PPP6R3: variants seen among roughly 807,000 people sequenced by gnomAD.
The protein encoded by PPP6R3 is protein phosphatase 6 regulatory subunit 3.
In PPP6R3, 38 loss-of-function variants were observed where a neutral mutation model predicts 110.7. The observed-to-expected ratio is 0.34, with a 90% CI of 0.26 to 0.45. PPP6R3 has a LOEUF of 0.45. Among genes scored for constraint, PPP6R3 ranks in the 20% least tolerant of loss-of-function variants. The probability of loss-of-function intolerance (pLI) is 1.00; values close to 1 mark genes in which losing one functional copy is unlikely to be tolerated. For synonymous variants in PPP6R3, 369 were observed against 373.5 expected (o/e 0.99, Z 0.14); for missense variants, 870 against 1,062.4 (o/e 0.82, Z 2.52).
intron 8 of PPP6R3, among the ~76,000 whole-genome samples, chr11:68,560,783 A>G (rs370311656): frequency 6.6e-6 from 1 of 152,016 alleles, no homozygotes; most frequent in South Asian, 2.1e-4. Context: ...TAGGACTCCC[A>G]TGCATACCAA....
intron 2 of PPP6R3, among the ~76,000 whole-genome samples, chr11:68,533,923 G>A (rs2099255496): frequency 6.6e-6 from 1 of 152,150 alleles, no homozygotes; most frequent in Non-Finnish European, 1.5e-5. Flanking sequence ...CACTGGAACA[G>A]CATGGGCAGG....
chr11:68,500,693 G>C (rs1284931536), intron 1 of PPP6R3, among the ~76,000 whole-genome samples: 1 of 152,156 alleles, frequency 6.6e-6, no homozygotes, highest in Non-Finnish European at 1.5e-5. Flanking sequence ...GGCCAGGCTG[G>C]TCTTGAACTC....
At chr11:68,564,552 G>C (rs1042257720) in intron 9 of PPP6R3, 120 bp downstream of exon 9, 5 of 1,114,106 alleles carry the variant, frequency 4.5e-6, no homozygotes, top group Non-Finnish European at 3.7e-6. Context: ...CAAAATGAGT[G>C]AAAAGATAAC....
chr11:68,474,423 C>T (rs1426763278), intron 1 of PPP6R3, among the ~76,000 whole-genome samples: 1 of 151,718 alleles, frequency 6.6e-6, no homozygotes, highest in Non-Finnish European at 1.5e-5. Context: ...TTTGTCCTTG[C>T]TTTTTTTTCA....
intron 5 of PPP6R3, 28 bp downstream of exon 5, chr11:68,548,232 C>T: frequency 6.2e-7 from 1 of 1,612,698 alleles, no homozygotes; most frequent in African/African-American, 1.3e-5. Context: ...CTGCTGTTGA[C>T]TGGGGTTAGG....
Position 68,613,901 on chromosome 11 carries a change from T to G in PPP6R3, c.*784T>G. ...TGTATATGGCTTGTGTTTTGGGATT[T>G]TTTTTTTTTTTTTTTGGCTTTTGTT... On this transcript the variant is annotated 3_prime_UTR_variant, in exon 24 of 24. Coordinates refer to ENST00000393800, the MANE Select transcript of PPP6R3 (RefSeq NM_001164161.2). 1 of 698,196 alleles carries G rather than the reference T, an allele frequency of 1.4e-6. No individual in the cohort carries two copies. Among genetic ancestry groups the G allele is most frequent in the Non-Finnish European group, 1.7e-6 (1 of 585,940 alleles). 43.3% of individuals were successfully genotyped at this position (698,196 alleles called of 1,614,324 possible). A position where few individuals can be genotyped will look rare whatever the true frequency, so the allele number is the denominator to read the frequency against.
intron 1 of PPP6R3, among the ~76,000 whole-genome samples, chr11:68,511,068 T>C (rs2099106259): frequency 7.2e-6 from 1 of 138,866 alleles, no homozygotes; most frequent in Admixed American, 7.3e-5. Context: ...CGACCATGCA[T>C]ACTTTTTTTT....
intron 2 of PPP6R3, among the ~76,000 whole-genome samples, chr11:68,531,291 A>G (rs1233612515): frequency 6.7e-6 from 1 of 150,218 alleles, no homozygotes; most frequent in African/African-American, 2.4e-5. Flanking sequence ...TTATTGAGTC[A>G]GAATCTGAGA....
At chr11:68,520,376 T>TCTACTGTTGGATGCTGTC (rs1239217918) in intron 2 of PPP6R3, among the ~76,000 whole-genome samples, 5 of 152,216 alleles carry the variant, frequency 3.3e-5, no homozygotes, top group African/African-American at 1.2e-4. Flanking sequence ...GCCTATTGGT[T>TCTACTGTTGGATGCTGTC]CTACTGTTGA....
chr11:68,504,605 G>A (rs1191562996), intron 1 of PPP6R3, among the ~76,000 whole-genome samples: 5 of 152,122 alleles, frequency 3.3e-5, no homozygotes, highest in East Asian at 3.8e-4. Flanking sequence ...AGAGCATCCC[G>A]TTTTACTTGG....
At chr11:68,466,922 A>G (rs150190005) in intron 1 of PPP6R3, among the ~76,000 whole-genome samples, 7,080 of 147,944 alleles carry the variant, frequency 0.048, 608 homozygotes, top group African/African-American at 0.17. Flanking sequence ...CATTTTTTGT[A>G]TTTTTAGTAG....
rs1340024215 is a variant in PPP6R3, at chr11:68,544,847, T to G, written c.237T>G (p.Asn79Lys). The G allele has an allele frequency of 1.3e-6, 2 of 1,592,816 alleles. No individual in the cohort carries two copies. Among genetic ancestry groups the G allele is most frequent in the Non-Finnish European group, 1.7e-6 (2 of 1,162,300 alleles). ...TATCCTGTTCTTCTAGGTATCCAAA[T>G]ATATCTTGTGAGTTGCTCACTTCTG... ...MDEKIRYKYP[N>K]ISCELLTSDV... The change falls in exon 4 of 24, where the codon AAT becomes AAG. Residue 79 changes from asparagine (N) to lysine (K), a missense_variant. Coordinates refer to ENST00000393800, the MANE Select transcript of PPP6R3 (RefSeq NM_001164161.2).
At chr11:68,594,243 A>AC (rs1299149423) in intron 18 of PPP6R3, among the ~76,000 whole-genome samples, 1 of 151,632 alleles carries the variant, frequency 6.6e-6, no homozygotes, top group African/African-American at 2.4e-5. Flanking sequence ...AGCGATATAG[A>AC]CCCCCGTCTC....
chr11:68,597,005 ATCT>A (rs1454659266), intron 19 of PPP6R3, among the ~76,000 whole-genome samples: 5 of 152,174 alleles, frequency 3.3e-5, no homozygotes, highest in South Asian at 2.1e-4. Context: ...AAGAAGAGAG[ATCT>A]TCTTTCTGCT....
intron 3 of PPP6R3, among the ~76,000 whole-genome samples, chr11:68,544,608 G>C (rs552263900): frequency 1.3e-5 from 2 of 152,344 alleles, no homozygotes; most frequent in South Asian, 2.1e-4. Flanking sequence ...AGTTTCTTCA[G>C]GGAAAATGTA....
chr11:68,557,797 C>T (rs1188603290), intron 7 of PPP6R3, among the ~76,000 whole-genome samples: 2 of 152,186 alleles, frequency 1.3e-5, no homozygotes, highest in African/African-American at 2.4e-5. Flanking sequence ...GGATTACAGG[C>T]GTGAGCCACT....
At chr11:68,512,412 C>G (rs144668765) in intron 1 of PPP6R3, among the ~76,000 whole-genome samples, 5 of 152,152 alleles carry the variant, frequency 3.3e-5, no homozygotes, top group African/African-American at 9.6e-5. Context: ...GATCAGAATC[C>G]CTGAAGATCA....
At chr11:68,605,055 G>A (rs1330723267) in intron 22 of PPP6R3, among the ~76,000 whole-genome samples, 1 of 152,148 alleles carries the variant, frequency 6.6e-6, no homozygotes, top group Non-Finnish European at 1.5e-5. Context: ...ACTTAGTAAA[G>A]CTGGCCGAGT....
At chr11:68,525,701 A>G (rs2099193539) in intron 2 of PPP6R3, among the ~76,000 whole-genome samples, 1 of 152,192 alleles carries the variant, frequency 6.6e-6, no homozygotes, top group Non-Finnish European at 1.5e-5. Context: ...GTCTTTCATT[A>G]TAGAATTTGA....
Sources: gnomAD v4.1 joint callset for allele counts (sites outside exome capture counted in the v4.1 genomes callset) on GRCh38, gnomAD v4.1.1 for gene constraint, MANE v1.5 for transcripts, NCBI Gene and HGNC (gene_info 2026-07-23, HGNC 2026-07-21) for gene names.